TRPM3: variants seen among roughly 807,000 people sequenced by gnomAD.
TRPM3 encodes transient receptor potential cation channel subfamily M member 3.
TRPM3 carries 77 observed loss-of-function variants against 181.2 expected under a neutral mutation model. The ratio of observed to expected loss-of-function variants is 0.42; its 90% CI spans 0.35 to 0.51. TRPM3 has a LOEUF of 0.51. TRPM3 is among the 20% of genes least tolerant of loss of function. The probability of loss-of-function intolerance (pLI) is 0.01; values close to 1 mark genes in which losing one functional copy is unlikely to be tolerated. For synonymous variants in TRPM3, 745 were observed against 796.4 expected, an observed-to-expected ratio of 0.94 and a Z score of 1.09; for missense variants, 1,759 against 2,196.7, an observed-to-expected ratio of 0.80 and a Z score of 3.98.
intron 5 of TRPM3, among the ~76,000 whole-genome samples, chr9:70,833,019 C>T (rs1652334795): frequency 6.6e-6 from 1 of 152,104 alleles, no homozygotes; most frequent in Admixed American, 6.6e-5. Flanking sequence ...TTGAAAGAAA[C>T]TTTTGGACAA....
intron 1 of TRPM3, among the ~76,000 whole-genome samples, chr9:71,434,586 G>A (rs2094005328): frequency 6.6e-6 from 1 of 152,158 alleles, no homozygotes; most frequent in Admixed American, 6.5e-5. Context: ...TTTCCATGAA[G>A]TTTTATAGTT....
intron 1 of TRPM3, among the ~76,000 whole-genome samples, chr9:71,304,518 C>T (rs1301064594): frequency 1.3e-5 from 2 of 152,154 alleles, no homozygotes; most frequent in African/African-American, 4.8e-5. Context: ...GAAATCCAAC[C>T]TAGCATCTAT....
intron 1 of TRPM3, among the ~76,000 whole-genome samples, chr9:71,260,504 C>T (rs7047190): frequency 0.088 from 13,392 of 152,196 alleles, 750 homozygotes; most frequent in Non-Finnish European, 0.11. Context: ...TTGATTCTTC[C>T]TATCCATGAG....
At chr9:70,918,966 C>T (rs182454180) in intron 1 of TRPM3, among the ~76,000 whole-genome samples, 4 of 152,146 alleles carry the variant, frequency 2.6e-5, no homozygotes, top group African/African-American at 7.2e-5. Context: ...TTCAGATGAT[C>T]TCATAGCAGA....
chr9:71,138,797 C>A (rs190600126), intron 1 of TRPM3, among the ~76,000 whole-genome samples: 9 of 152,168 alleles, frequency 5.9e-5, no homozygotes, highest in Non-Finnish European at 1.3e-4. Context: ...TCTTTGATCC[C>A]CTCGGTGTAC....
At chr9:70,610,972 T>G (rs2061915795) in intron 18 of TRPM3, among the ~76,000 whole-genome samples, 1 of 152,166 alleles carries the variant, frequency 6.6e-6, no homozygotes, top group African/African-American at 2.4e-5. Context: ...TTCTTGACCA[T>G]TCTCTTCTCT....
At chr9:71,351,306 A>C (rs2091607922) in intron 1 of TRPM3, among the ~76,000 whole-genome samples, 1 of 152,214 alleles carries the variant, frequency 6.6e-6, no homozygotes, top group Non-Finnish European at 1.5e-5. Context: ...GCTTAGGTAC[A>C]CAGCGTTAAG....
chr9:71,316,097 C>G (rs1402975484), intron 1 of TRPM3, among the ~76,000 whole-genome samples: 2 of 152,170 alleles, frequency 1.3e-5, no homozygotes, highest in African/African-American at 4.8e-5. Flanking sequence ...GATTGGGAAA[C>G]AGATGACAGG....
intron 1 of TRPM3, among the ~76,000 whole-genome samples, chr9:71,352,421 A>G (rs763659062): frequency 5.9e-5 from 9 of 152,160 alleles, no homozygotes; most frequent in Admixed American, 2.6e-4. Context: ...CAGAGATGTC[A>G]CTGAGGTTAT....
In TRPM3 at chr9:71,239,875, C is replaced by G. The variant is rs1022395870; in HGVS notation, c.183+206778G>C. Among the ~76,000 whole-genome samples, 3 of 152,018 alleles carry G rather than the reference C, an allele frequency of 2.0e-5. No homozygotes were observed. In the East Asian group the frequency reaches 5.8e-4, roughly 29 times the overall value. On this transcript the variant is annotated intron_variant, in intron 1 of 24. Coordinates refer to the TRPM3 transcript ENST00000357533. ...CAAATATAAAAGTTGGACATTGAAA[C>G]TAATTTATATCACTACCCTAGAGCC...
At chr9:70,815,338 A>C (rs1236672089) in intron 6 of TRPM3, among the ~76,000 whole-genome samples, 3 of 152,158 alleles carry the variant, frequency 2.0e-5, no homozygotes, top group Non-Finnish European at 4.4e-5. Context: ...TACTGTAAAC[A>C]ATATTGTGGT....
chr9:71,050,490 G>T (rs994748702), intron 1 of TRPM3, among the ~76,000 whole-genome samples: 3 of 152,104 alleles, frequency 2.0e-5, no homozygotes, highest in Non-Finnish European at 4.4e-5. Flanking sequence ...AAAGTAATGA[G>T]TGGGCATCTC....
chr9:71,445,747 A>T (rs1481507686), intron 1 of TRPM3, among the ~76,000 whole-genome samples: 1 of 152,122 alleles, frequency 6.6e-6, no homozygotes, highest in East Asian at 1.9e-4. Context: ...TCAATATACA[A>T]CATCTGCTGT....
chr9:70,580,347 A>G lies in TRPM3; in HGVS notation c.3223+10684T>C, dbSNP rs118037561. Among the ~76,000 whole-genome samples the G allele has an allele frequency of 4.0e-3, 608 of 152,306 alleles. 4 individuals carry two copies. Among genetic ancestry groups the G allele is most frequent in the Non-Finnish European group, 5.9e-3 (404 of 68,018 alleles). ...CTGACATATAAAGCCCTTTACAGCA[A>G]TCTGCCTTACTAACCTCTTCTCCAT... On this transcript the variant is annotated intron_variant, in intron 22 of 25. Transcript: ENST00000677713.
chr9:71,377,030 G>A (rs2092683685), intron 1 of TRPM3, among the ~76,000 whole-genome samples: 1 of 152,058 alleles, frequency 6.6e-6, no homozygotes, highest in Non-Finnish European at 1.5e-5. Flanking sequence ...CCATGAAAGT[G>A]TTATTATACT....
intron 1 of TRPM3, among the ~76,000 whole-genome samples, chr9:71,335,751 G>T (rs1433327743): frequency 6.6e-6 from 1 of 151,866 alleles, no homozygotes; most frequent in East Asian, 1.9e-4. Flanking sequence ...TAAACATAAA[G>T]AATGTCAGGT....
intron 1 of TRPM3, among the ~76,000 whole-genome samples, chr9:71,179,148 G>A (rs1386012091): frequency 1.3e-5 from 2 of 152,088 alleles, no homozygotes; most frequent in African/African-American, 2.4e-5. Context: ...GCCCAGTTTG[G>A]GAGAAAGAAG....
At chr9:70,631,314 G>A in intron 12 of TRPM3, among the ~76,000 whole-genome samples, 1 of 150,728 alleles carries the variant, frequency 6.6e-6, no homozygotes, top group East Asian at 1.9e-4. Flanking sequence ...TTTAGCAGAT[G>A]GGATTATGCA....
chr9:70,614,389 TGAGGATCCCTTGAGCCCA>T (rs1431088933), intron 18 of TRPM3, among the ~76,000 whole-genome samples: 1 of 150,896 alleles, frequency 6.6e-6, no homozygotes, highest in Non-Finnish European at 1.5e-5. Context: ...GGCTGAGGTG[TGAGGATCCCTTGAGCCCA>T]GAGGATCCCT....
Sources: gnomAD v4.1 joint callset for allele counts (sites outside exome capture counted in the v4.1 genomes callset) on GRCh38, gnomAD v4.1.1 for gene constraint, MANE v1.5 for transcripts, NCBI Gene and HGNC (gene_info 2026-07-23, HGNC 2026-07-21) for gene names.